Variants in ITGAM observed in about 807,000 individuals in gnomAD.
ITGAM encodes integrin alpha-M.
ITGAM carries 79 observed loss-of-function variants against 137.5 expected under a neutral mutation model. The observed-to-expected ratio is 0.57, with a 90% CI of 0.48 to 0.69. The LOEUF (loss-of-function observed/expected upper bound fraction) is 0.69, where lower values mean the gene tolerates loss of function less well. Among genes scored for constraint, ITGAM ranks in the 30% least tolerant of loss-of-function variants. The pLI is 0.00. For synonymous variants in ITGAM, 583 were observed against 592.3 expected (o/e 0.98, Z 0.23); for missense variants, 1,343 against 1,483.5 (o/e 0.91, Z 1.56).
intron 11 of ITGAM, 144 bp from the exon 12 acceptor site, chr16:31,277,823 T>C: frequency 1.2e-6 from 1 of 838,286 alleles, no homozygotes; most frequent in East Asian, 2.8e-5. Flanking sequence ...GTAATTATGT[T>C]CATAAAGAGA....
intron 2 of ITGAM, among the ~76,000 whole-genome samples, chr16:31,262,807 G>A (rs187404384): frequency 7.2e-5 from 11 of 152,300 alleles, no homozygotes; most frequent in African/African-American, 2.4e-4. Flanking sequence ...AGTAATTGTG[G>A]AGGTGATAGT....
intron 12 of ITGAM, among the ~76,000 whole-genome samples, chr16:31,294,638 AG>A (rs1357178066): frequency 6.6e-6 from 1 of 152,100 alleles, no homozygotes; most frequent in African/African-American, 2.4e-5. Context: ...GTTTGCAGGT[AG>A]TGTGTTGAGG....
intron 12 of ITGAM, among the ~76,000 whole-genome samples, chr16:31,287,069 G>A (rs988763343): frequency 1.3e-5 from 2 of 152,166 alleles, no homozygotes; most frequent in Non-Finnish European, 2.9e-5. Flanking sequence ...TAAGGTGTAA[G>A]GAAGGGGTTC....
intron 5 of ITGAM, among the ~76,000 whole-genome samples, chr16:31,266,702 C>T (rs1309657722): frequency 6.6e-6 from 1 of 151,880 alleles, no homozygotes; most frequent in African/African-American, 2.4e-5. Context: ...AGAGCAAGAC[C>T]CTGTCTTTAA....
At chr16:31,274,456 T>C (rs555920210) in intron 8 of ITGAM, among the ~76,000 whole-genome samples, 23 of 152,272 alleles carry the variant, frequency 1.5e-4, no homozygotes, top group Non-Finnish European at 2.8e-4. Flanking sequence ...CATGAGCGAC[T>C]GCGAGGTGTG....
At chr16:31,304,736 T>G (rs2080249069) in intron 14 of ITGAM, among the ~76,000 whole-genome samples, 1 of 152,198 alleles carries the variant, frequency 6.6e-6, no homozygotes, top group Non-Finnish European at 1.5e-5. Context: ...CAATTTATGT[T>G]TTTGTATGCT....
intron 8 of ITGAM, among the ~76,000 whole-genome samples, chr16:31,274,676 A>G (rs140397210): frequency 7.9e-5 from 12 of 152,158 alleles, no homozygotes; most frequent in East Asian, 3.9e-4. Context: ...GTGCAGTGGC[A>G]TGATCTTGGC....
chr16:31,262,358 TC>T (rs2079712973), intron 2 of ITGAM, among the ~76,000 whole-genome samples: 3 of 127,802 alleles, frequency 2.3e-5, no homozygotes, highest in Non-Finnish European at 5.0e-5. Flanking sequence ...CTTCCTTCCT[TC>T]CTTCCTTCCT....
At chr16:31,328,314 A>G (rs1009621456) in intron 23 of ITGAM, 84 bp downstream of exon 23, 31 of 1,018,290 alleles carry the variant, frequency 3.0e-5, no homozygotes, top group African/African-American at 7.9e-5. Context: ...GAGTCTGTGC[A>G]TGTGTGTGTG....
In ITGAM at chr16:31,265,421, T is replaced by C. The variant is rs552204837; in HGVS notation, c.161T>C (p.Ile54Thr). 1.2e-6 allele frequency: 2 copies of C among 1,606,556 alleles called. No individual in the cohort carries two copies. The highest frequency in any genetic ancestry group is 2.2e-5 in the East Asian group (1 of 44,562). The part of the protein sequence containing the change: ...SRVVVGAPQE[I>T]VAANQRGSLY... Reference sequence around the variant, plus strand: ...GTGGTGGTTGGAGCCCCCCAGGAGATAGTGGCTGCCAACCAAAGGGGCAGC... The same window carrying C: ...GTGGTGGTTGGAGCCCCCCAGGAGACAGTGGCTGCCAACCAAAGGGGCAGC... The change falls in exon 3 of 30, where the codon ATA (isoleucine) becomes ACA (threonine). Residue 54 changes from isoleucine to threonine, a missense_variant. Coordinates refer to ENST00000544665, the MANE Select transcript of ITGAM (RefSeq NM_000632.4).
chr16:31,263,850 TATTG>T (rs1567244742), intron 2 of ITGAM, among the ~76,000 whole-genome samples: 2 of 126,086 alleles, frequency 1.6e-5, no homozygotes, highest in East Asian at 2.3e-4. Flanking sequence ...TTTATTTATT[TATTG>T]AGATGGAGTC....
At chr16:31,310,539 G>T (rs1051681048) in intron 14 of ITGAM, among the ~76,000 whole-genome samples, 1 of 152,138 alleles carries the variant, frequency 6.6e-6, no homozygotes, top group African/African-American at 2.4e-5. Context: ...GTGGTTTTCA[G>T]CTCCATCAGG....
chr16:31,275,120 T>C (rs1211911409), intron 8 of ITGAM, among the ~76,000 whole-genome samples: 1 of 144,184 alleles, frequency 6.9e-6, no homozygotes, highest in Non-Finnish European at 1.5e-5. Context: ...CACAGCAGAG[T>C]GCTGGGGGAA....
At chr16:31,301,697 A>G (rs938097859) in intron 14 of ITGAM, among the ~76,000 whole-genome samples, 1 of 152,204 alleles carries the variant, frequency 6.6e-6, no homozygotes, top group African/African-American at 2.4e-5. Flanking sequence ...ACAAAAATCC[A>G]GTGAAACTTA....
chr16:31,328,992 A>T, intron 23 of ITGAM: 1 of 597,318 alleles, frequency 1.7e-6, no homozygotes, highest in South Asian at 1.9e-5. Flanking sequence ...GCATGTGTGT[A>T]TGTGCTCATG....
chr16:31,265,898 C>T lies in ITGAM; in HGVS notation c.309+17C>T. On this transcript the variant is annotated intron_variant, in intron 4 of 29. Coordinates refer to ENST00000544665, the MANE Select transcript of ITGAM (RefSeq NM_000632.4). ...CAGCTGCTGGTGAGTGGGGCTCGAT[C>T]AGAGGAGCATCCTAATGGGGGTGTT... The T allele has an allele frequency of 6.2e-7, 1 of 1,612,618 alleles. No homozygotes were observed.
At chr16:31,293,352 G>C (rs182657769) in intron 12 of ITGAM, among the ~76,000 whole-genome samples, 2 of 148,714 alleles carry the variant, frequency 1.3e-5, no homozygotes, top group Non-Finnish European at 2.9e-5. Flanking sequence ...TGCCTAGGTT[G>C]TCTTCCAGGG....
intron 14 of ITGAM, among the ~76,000 whole-genome samples, chr16:31,298,869 C>T (rs969971984): frequency 6.6e-6 from 1 of 152,148 alleles, no homozygotes; most frequent in African/African-American, 2.4e-5. Context: ...TGACTTGTCA[C>T]CCTATATTCT....
At chr16:31,319,185 G>C (rs555485626) in intron 14 of ITGAM, among the ~76,000 whole-genome samples, 1 of 151,546 alleles carries the variant, frequency 6.6e-6, no homozygotes, top group Admixed American at 6.6e-5. Context: ...TGCAGTAGTT[G>C]GCTTGTGTAT....
Sources: allele counts gnomAD v4.1 joint callset (sites outside exome capture counted in the v4.1 genomes callset), GRCh38; gene constraint gnomAD v4.1.1; transcripts MANE v1.5; gene names NCBI Gene and HGNC (gene_info 2026-07-23, HGNC 2026-07-21).